ZNF407: variants seen among roughly 807,000 people sequenced by gnomAD.
The protein encoded by ZNF407 is zinc finger protein 407.
ZNF407 carries 17 observed loss-of-function variants against 131.2 expected under a neutral mutation model. That is an observed-to-expected ratio of 0.13 (90% CI 0.09 to 0.19). The LOEUF (loss-of-function observed/expected upper bound fraction) is 0.19, where lower values mean the gene tolerates loss of function less well. ZNF407 is among the 10% of genes least tolerant of loss of function. The probability of loss-of-function intolerance (pLI) is 1.00; values close to 1 mark genes in which losing one functional copy is unlikely to be tolerated. For missense variants in ZNF407, 2,681 were observed against 2,830.6 expected, an observed-to-expected ratio of 0.95 and a Z score of 1.20; for synonymous variants, 1,156 against 1,062.0, an observed-to-expected ratio of 1.09 and a Z score of -1.72.
intron 3 of ZNF407, among the ~76,000 whole-genome samples, chr18:74,742,105 G>A (rs939646890): frequency 3.9e-5 from 6 of 152,116 alleles, no homozygotes; most frequent in African/African-American, 7.2e-5. Context: ...GGTAATCAAA[G>A]CATTGCTTTT....
At position 74,676,497 on chromosome 18, in the gene ZNF407, C is replaced by T. The variant is rs572782884; in HGVS notation, c.4802+35375C>T. ...TGTCACCCAGGCTGGAGTGCAGTGG[C>T]GGGATCTCGGCTCACTGCAAGCTCC... On this transcript the variant is annotated intron_variant, in intron 3 of 8. Transcript: ENST00000299687. Among the ~76,000 whole-genome samples the T allele has an allele frequency of 3.3e-3, 481 of 147,418 alleles. 9 individuals are homozygous for T. The East Asian group carries it at 0.047, about 15-fold the overall frequency.
At chr18:74,884,722 A>C (rs1187626728) in intron 6 of ZNF407, among the ~76,000 whole-genome samples, 1 of 152,206 alleles carries the variant, frequency 6.6e-6, no homozygotes, top group Non-Finnish European at 1.5e-5. Context: ...TTTTAAATTT[A>C]AATTTTGTCA....
At position 74,641,419 on chromosome 18, in the gene ZNF407, T is replaced by C. The variant is rs547255528; in HGVS notation, c.4802+297T>C. Among the ~76,000 whole-genome samples the C allele has an allele frequency of 9.8e-5, 15 of 152,292 alleles. No individual in the cohort carries two copies. The East Asian group carries it at 2.9e-3, about 29-fold the overall frequency. Reference sequence around the variant, plus strand: ...TTGCCAGAGAGAACTATAAATTCCATTTAAAGACATACAAAAATACATAAT... The same window carrying C: ...TTGCCAGAGAGAACTATAAATTCCACTTAAAGACATACAAAAATACATAAT... On this transcript the variant is annotated intron_variant, in intron 3 of 8. Coordinates refer to ENST00000299687, the MANE Select transcript of ZNF407 (RefSeq NM_017757.3).
At chr18:74,801,862 C>T (rs1970025819) in intron 4 of ZNF407, among the ~76,000 whole-genome samples, 1 of 152,166 alleles carries the variant, frequency 6.6e-6, no homozygotes, top group Non-Finnish European at 1.5e-5. Context: ...GAACAATAAA[C>T]ATTCCAGAAA....
At chr18:74,638,231 G>C (rs1984549588) in intron 2 of ZNF407, among the ~76,000 whole-genome samples, 1 of 152,246 alleles carries the variant, frequency 6.6e-6, no homozygotes, top group Admixed American at 6.5e-5. Context: ...ACAAAGGACA[G>C]ACAGCTCAGT....
At chr18:75,032,435 ATGT>A (rs1302019342) in intron 8 of ZNF407, among the ~76,000 whole-genome samples, 1 of 152,040 alleles carries the variant, frequency 6.6e-6, no homozygotes, top group Admixed American at 6.6e-5. Flanking sequence ...AGACCATTTG[ATGT>A]TGTTATGCTT....
intron 8 of ZNF407, among the ~76,000 whole-genome samples, chr18:75,040,169 G>A (rs1973356680): frequency 6.6e-6 from 1 of 152,170 alleles, no homozygotes; most frequent in Non-Finnish European, 1.5e-5. Flanking sequence ...CTGGGATGAA[G>A]TAGCTTTGAT....
chr18:74,871,799 A>G (rs1352157287), intron 4 of ZNF407, among the ~76,000 whole-genome samples: 1 of 152,096 alleles, frequency 6.6e-6, no homozygotes, highest in Non-Finnish European at 1.5e-5. Context: ...AATTACAAAA[A>G]TTTTCAAAAA....
chr18:74,803,436 A>T (rs1024361528), intron 4 of ZNF407, among the ~76,000 whole-genome samples: 1 of 152,154 alleles, frequency 6.6e-6, no homozygotes, highest in Non-Finnish European at 1.5e-5. Context: ...CTGGTTATCA[A>T]TGGGCATCTA....
At chr18:74,832,974 G>A (rs988539011) in intron 4 of ZNF407, among the ~76,000 whole-genome samples, 1 of 152,218 alleles carries the variant, frequency 6.6e-6, no homozygotes, top group African/African-American at 2.4e-5. Context: ...AGGGCAGGAA[G>A]AAGAGGATTA....
chr18:74,632,087 A>T lies in ZNF407; in HGVS notation c.1068A>T (p.Ser356=). Residue 356 remains serine, a synonymous_variant, in exon 2 of 9, where the codon TCA becomes TCT. Coordinates refer to ENST00000299687, the MANE Select transcript of ZNF407 (RefSeq NM_017757.3). ...VEMMPSRNTL[S]QEVEIVEEHV... is the part of the protein sequence containing the mutation. Reference sequence around the variant, plus strand: ...TGATGCCTTCCAGAAATACTTTGTCACAGGAAGTAGAGATTGTTGAAGAAC... The same window carrying T: ...TGATGCCTTCCAGAAATACTTTGTCTCAGGAAGTAGAGATTGTTGAAGAAC... 6.2e-7 allele frequency: 1 copy of T among 1,613,916 alleles called. No homozygotes were observed. The highest frequency in any genetic ancestry group is 8.5e-7 in the Non-Finnish European group (1 of 1,179,860).
chr18:74,639,097 C>T (rs2144685141), intron 2 of ZNF407, among the ~76,000 whole-genome samples: 1 of 152,264 alleles, frequency 6.6e-6, no homozygotes, highest in Non-Finnish European at 1.5e-5. Context: ...GCATGCTGTG[C>T]TGTGATCACT....
At chr18:74,829,158 C>G (rs1970449267) in intron 4 of ZNF407, among the ~76,000 whole-genome samples, 1 of 152,144 alleles carries the variant, frequency 6.6e-6, no homozygotes, top group African/African-American at 2.4e-5. Context: ...TCATGTGACT[C>G]ACACACAACA....
rs1391317711 is a variant in ZNF407, at chr18:74,979,997, G to A, written c.5428+59305G>A. Among the ~76,000 whole-genome samples, 8 of 152,010 alleles carry A rather than the reference G, an allele frequency of 5.3e-5. No individual in the cohort carries two copies. In the East Asian group the frequency reaches 7.7e-4, roughly 15 times the overall value. ...ATCTGTGGTGTTTGCCAGTTGTCAC[G>A]TGGGGTCGCAAAGGGAGAAATACTG... is the stretch of plus-strand genomic sequence containing the variant. On this transcript the variant is annotated intron_variant, in intron 8 of 8. Transcript: ENST00000299687.
At chr18:74,946,491 T>TA (rs759099278) in intron 8 of ZNF407, among the ~76,000 whole-genome samples, 4 of 152,202 alleles carry the variant, frequency 2.6e-5, no homozygotes, top group Admixed American at 6.5e-5. Flanking sequence ...TGTAAATTGT[T>TA]AAAAAAATGA....
chr18:74,816,896 C>T (rs1018909280), intron 4 of ZNF407, among the ~76,000 whole-genome samples: 1 of 151,890 alleles, frequency 6.6e-6, no homozygotes, highest in South Asian at 2.1e-4. Context: ...CATTGCATTT[C>T]TTTTCCTTTT....
At chr18:74,956,499 C>G (rs181113103) in intron 8 of ZNF407, among the ~76,000 whole-genome samples, 169 of 152,266 alleles carry the variant, frequency 1.1e-3, no homozygotes, top group African/African-American at 3.9e-3. Flanking sequence ...TTGTCTTTCT[C>G]CAATGTCATG....
chr18:74,804,223 A>C (rs1437625076), intron 4 of ZNF407: 1 of 1,260,530 alleles, frequency 7.9e-7, no homozygotes, highest in Non-Finnish European at 1.0e-6. Flanking sequence ...AATGTAGGCT[A>C]GTCTAGTGAT....
At chr18:74,616,236 T>C (rs1047683858) in intron 1 of ZNF407, among the ~76,000 whole-genome samples, 1 of 152,192 alleles carries the variant, frequency 6.6e-6, no homozygotes, top group Non-Finnish European at 1.5e-5. Context: ...GGCACCACAG[T>C]GGACAGGAAT....
Sources: gnomAD v4.1 joint callset for allele counts (sites outside exome capture counted in the v4.1 genomes callset) on GRCh38, gnomAD v4.1.1 for gene constraint, MANE v1.5 for transcripts, NCBI Gene and HGNC (gene_info 2026-07-23, HGNC 2026-07-21) for gene names.